The following NPNT variants were observed in gnomAD, a reference collection of about 807,000 sequenced individuals.
NPNT encodes the protein preosteoblast EGF-like repeat protein with MAM domain.
NPNT carries 45 observed loss-of-function variants against 68.6 expected under a neutral mutation model. The observed-to-expected ratio is 0.66, with a 90% CI of 0.52 to 0.84. The LOEUF is 0.84. Among genes scored for constraint, NPNT ranks in the 40% least tolerant of loss-of-function variants. The pLI is 0.00. For missense variants in NPNT, 672 were observed against 714.8 expected (o/e 0.94, Z 0.68); for synonymous variants, 233 against 253.3 (o/e 0.92, Z 0.76).
rs1055983220 is a variant in NPNT, at chr4:105,905,737, C to T, written c.172+7736C>T. Among the ~76,000 whole-genome samples, 5 of 152,112 alleles carry T rather than the reference C, an allele frequency of 3.3e-5. 1 individual carries two copies. The highest frequency in any genetic ancestry group is 6.5e-5 in the Admixed American group (1 of 15,268). On this transcript the variant is annotated intron_variant, in intron 2 of 11. Coordinates refer to ENST00000379987, the MANE Select transcript of NPNT (RefSeq NM_001033047.3). ...TGCAATCAATATTTGCATATATCAT[C>T]ATCACTGTTGTATACCTTTAGATAT...
At chr4:105,897,695 G>C (rs1319058834) in intron 1 of NPNT, among the ~76,000 whole-genome samples, 1 of 152,100 alleles carries the variant, frequency 6.6e-6, no homozygotes, top group Non-Finnish European at 1.5e-5. Flanking sequence ...TTGGGGGATG[G>C]GGTATTTAAC....
chr4:105,916,093 C>T (rs1165355850), intron 2 of NPNT, among the ~76,000 whole-genome samples: 1 of 152,168 alleles, frequency 6.6e-6, no homozygotes, highest in Admixed American at 6.5e-5. Context: ...GAAAAAAAGT[C>T]ATCCTCTACA....
chr4:105,923,841 TC>T (rs989085470), intron 2 of NPNT, among the ~76,000 whole-genome samples: 1 of 151,654 alleles, frequency 6.6e-6, no homozygotes, highest in Non-Finnish European at 1.5e-5. Context: ...TACTAACCCA[TC>T]CCCCACTCAA....
intron 3 of NPNT, among the ~76,000 whole-genome samples, chr4:105,935,092 C>T (rs1729402203): frequency 6.6e-6 from 1 of 152,138 alleles, no homozygotes. Flanking sequence ...ACACCGAATC[C>T]ATTCCCATCA....
chr4:105,948,651 A>T (rs1730572950), intron 8 of NPNT, among the ~76,000 whole-genome samples: 1 of 152,142 alleles, frequency 6.6e-6, no homozygotes, highest in African/African-American at 2.4e-5. Context: ...ACTTATTTTT[A>T]AAATAATTTT....
rs1732492845 is a variant in NPNT at position 105,970,526 on chromosome 4, A to C, written c.*1536A>C. The C allele has an allele frequency of 1.5e-6, 1 of 684,474 alleles. No individual in the cohort carries two copies. Among genetic ancestry groups the C allele is most frequent in the Non-Finnish European group, 2.7e-6 (1 of 372,390 alleles). The allele number at this position is 684,474 out of a possible 1,614,324, so 42.4% of individuals were successfully genotyped here. On this transcript the variant is annotated 3_prime_UTR_variant, in exon 12 of 12. Coordinates refer to ENST00000379987, the MANE Select transcript of NPNT (RefSeq NM_001033047.3). Reference sequence around the variant, plus strand: ...AAGTATATGAAGGGTTGGCACAGAGAGGGTGGCGACCAGCTGTTCTCCATA... The same window carrying C: ...AAGTATATGAAGGGTTGGCACAGAGCGGGTGGCGACCAGCTGTTCTCCATA...
intron 2 of NPNT, among the ~76,000 whole-genome samples, chr4:105,910,124 C>G (rs1727243246): frequency 6.6e-6 from 1 of 151,714 alleles, no homozygotes; most frequent in African/African-American, 2.4e-5. Context: ...CTAACACGGT[C>G]CAAAGTTCAG....
At position 105,971,582 on chromosome 4, in the gene NPNT, T is replaced by G. The variant is rs1302178260; in HGVS notation, c.*2592T>G. ...GTACTGTATAACATCTTGTTTATTA[T>G]TTAATGTTTTCTAAAATAAAAAATG... On this transcript the variant is annotated 3_prime_UTR_variant, in exon 12 of 12. Coordinates refer to ENST00000379987, the MANE Select transcript of NPNT (RefSeq NM_001033047.3). The G allele has an allele frequency of 3.9e-5, 6 of 153,134 alleles. No individual in the cohort carries two copies. The highest frequency in any genetic ancestry group is 1.2e-4 in the African/African-American group (5 of 41,586). 9.5% of individuals were successfully genotyped at this position (153,134 alleles called of 1,614,324 possible).
At position 105,914,502 on chromosome 4, in the gene NPNT, A is replaced by G. The variant is rs114127842; in HGVS notation, c.173-12834A>G. Among the ~76,000 whole-genome samples, 725 of 142,518 alleles carry G rather than the reference A, an allele frequency of 5.1e-3. 10 individuals are homozygous for G. Among genetic ancestry groups the G allele is most frequent in the African/African-American group, 0.018 (688 of 38,662 alleles). 93.5% of individuals were successfully genotyped at this position (142,518 alleles called of 152,430 possible). On this transcript the variant is annotated intron_variant, in intron 2 of 11. Coordinates refer to ENST00000379987, the MANE Select transcript of NPNT (RefSeq NM_001033047.3). ...ATATAGAGAGAGAGATAATGGAGAG[A>G]GAGAGCCAGCTATTACCTGCATGAT... is the stretch of plus-strand genomic sequence containing the variant.
At chr4:105,922,641 A>G (rs1728345974) in intron 2 of NPNT, among the ~76,000 whole-genome samples, 1 of 151,988 alleles carries the variant, frequency 6.6e-6, no homozygotes, top group South Asian at 2.1e-4. Flanking sequence ...TTAGATTGCA[A>G]TCAAACAGAA....
Position 105,926,308 on chromosome 4 carries a change from T to G in NPNT, c.173-1028T>G, listed in dbSNP as rs74815368. ...TGTAGACTCCTTGAGACCAGTACCA[T>G]GCTATACAATTATTTTTCATCTATT... On this transcript the variant is annotated intron_variant, in intron 2 of 11. Coordinates refer to ENST00000379987, the MANE Select transcript of NPNT (RefSeq NM_001033047.3). 3.4e-3 allele frequency among the ~76,000 whole-genome samples: 521 copies of G among 152,330 alleles called. 7 individuals are homozygous for G. Among genetic ancestry groups the G allele is most frequent in the East Asian group, 0.022 (114 of 5,196 alleles).
intron 2 of NPNT, among the ~76,000 whole-genome samples, chr4:105,900,155 T>G (rs1212132346): frequency 6.6e-6 from 1 of 152,250 alleles, no homozygotes; most frequent in Non-Finnish European, 1.5e-5. Context: ...TAGATAATCA[T>G]GTAGTTCTTT....
chr4:105,912,921 G>A (rs1395265781), intron 2 of NPNT, among the ~76,000 whole-genome samples: 3 of 152,186 alleles, frequency 2.0e-5, no homozygotes, highest in African/African-American at 7.2e-5. Context: ...AAGGTGGAGT[G>A]CGCTGGTGTG....
intron 3 of NPNT, among the ~76,000 whole-genome samples, chr4:105,936,106 T>A (rs1043090011): frequency 2.0e-5 from 3 of 152,226 alleles, no homozygotes; most frequent in Non-Finnish European, 4.4e-5. Flanking sequence ...CTTGAGGCAG[T>A]GTTTAATTTA....
chr4:105,942,021 A>C (rs1324587628), intron 7 of NPNT, among the ~76,000 whole-genome samples: 2 of 152,000 alleles, frequency 1.3e-5, no homozygotes, highest in Non-Finnish European at 2.9e-5. Context: ...TATGTTGCAA[A>C]TAATACATAT....
intron 7 of NPNT, among the ~76,000 whole-genome samples, chr4:105,941,353 GAAAAA>G (rs917975561): frequency 6.7e-6 from 1 of 148,684 alleles, no homozygotes; most frequent in Admixed American, 6.7e-5. Context: ...TGTCTCAAAA[GAAAAA>G]AAAAGCCATT....
intron 10 of NPNT, among the ~76,000 whole-genome samples, chr4:105,960,801 T>G (rs951653678): frequency 6.6e-6 from 1 of 152,050 alleles, no homozygotes; most frequent in African/African-American, 2.4e-5. Context: ...ATAAAATACC[T>G]ATGACAGTCC....
At chr4:105,935,161 A>G (rs778644653) in intron 3 of NPNT, among the ~76,000 whole-genome samples, 3 of 152,198 alleles carry the variant, frequency 2.0e-5, no homozygotes, top group Non-Finnish European at 4.4e-5. Flanking sequence ...CTTAACTGAC[A>G]TGTAAAGAAA....
At chr4:105,898,328 G>GTCTGTCTCTC (rs1726082944) in intron 2 of NPNT, among the ~76,000 whole-genome samples, 5 of 53,934 alleles carry the variant, frequency 9.3e-5, no homozygotes, top group African/African-American at 1.6e-4. Context: ...CTCTCTCTCT[G>GTCTGTCTCTC]TCTCTCTCTC....
Sources: allele counts gnomAD v4.1 joint callset (sites outside exome capture counted in the v4.1 genomes callset), GRCh38; gene constraint gnomAD v4.1.1; transcripts MANE v1.5; gene names NCBI Gene and HGNC (gene_info 2026-07-23, HGNC 2026-07-21).